The following UNC5D variants were observed in gnomAD, a reference collection of about 807,000 sequenced individuals.
The protein encoded by UNC5D is netrin receptor UNC5D.
UNC5D carries 39 observed loss-of-function variants against 105.4 expected under a neutral mutation model. The observed-to-expected ratio is 0.37, with a 90% CI of 0.29 to 0.48. The LOEUF is 0.48. Ranked by LOEUF, UNC5D falls within the 20% of genes least tolerant of loss-of-function variation. The pLI is 0.98. For missense variants in UNC5D, 991 were observed against 1,202.4 expected (o/e 0.82, Z 2.60); for synonymous variants, 452 against 450.4 (o/e 1.00, Z -0.04).
chr8:35,264,543 C>G (rs1465370450), intron 1 of UNC5D, among the ~76,000 whole-genome samples: 1 of 152,010 alleles, frequency 6.6e-6, no homozygotes, highest in Non-Finnish European at 1.5e-5. Flanking sequence ...ACCTGACCAA[C>G]AAGGTGAAAC....
chr8:35,486,791 T>C (rs1810851157), intron 1 of UNC5D, among the ~76,000 whole-genome samples: 1 of 152,200 alleles, frequency 6.6e-6, no homozygotes, highest in Non-Finnish European at 1.5e-5. Context: ...GGAAAAGTTA[T>C]TTGGAGTGGC....
At chr8:35,410,517 T>G (rs917161578) in intron 1 of UNC5D, among the ~76,000 whole-genome samples, 9 of 152,102 alleles carry the variant, frequency 5.9e-5, no homozygotes, top group African/African-American at 2.2e-4. Context: ...GTGAGATTTT[T>G]GGATCTTATT....
intron 3 of UNC5D, among the ~76,000 whole-genome samples, chr8:35,590,500 T>C (rs985798346): frequency 6.6e-6 from 1 of 152,204 alleles, no homozygotes; most frequent in African/African-American, 2.4e-5. Flanking sequence ...AATTTATGTG[T>C]CACTTTAATC....
rs1416544829 is a variant in UNC5D at position 35,795,527 on chromosome 8, A to C, written c.*4964A>C. ...GCAGAATATCATGCCTTATGACCCC[A>C]TTACTGAAACACAGACATTACAATC... is the stretch of plus-strand genomic sequence containing the variant. On this transcript the variant is annotated 3_prime_UTR_variant, in exon 17 of 17. Transcript: ENST00000404895. 1 of 152,160 alleles carries C rather than the reference A, an allele frequency of 6.6e-6. No individual in the cohort carries two copies. The highest frequency in any genetic ancestry group is 1.5e-5 in the Non-Finnish European group (1 of 68,028). The allele number at this position is 152,160 out of a possible 1,614,324, so 9.4% of individuals were successfully genotyped here.
chr8:35,727,500 C>G (rs962883080), intron 10 of UNC5D: 1 of 152,150 alleles, frequency 6.6e-6, no homozygotes, highest in African/African-American at 2.4e-5. Context: ...TAGTCTGATT[C>G]TACCATTCTA....
chr8:35,249,597 A>ATAATAATAC (rs1563249404), intron 1 of UNC5D, among the ~76,000 whole-genome samples: 1 of 140,748 alleles, frequency 7.1e-6, no homozygotes, highest in Non-Finnish European at 1.6e-5. Context: ...AATAATAATA[A>ATAATAATAC]TAATAAAATA....
chr8:35,536,883 C>A (rs911008176), intron 1 of UNC5D, among the ~76,000 whole-genome samples: 1 of 152,100 alleles, frequency 6.6e-6, no homozygotes, highest in Non-Finnish European at 1.5e-5. Flanking sequence ...GTAGTCCCAG[C>A]TACTCGGGAG....
intron 1 of UNC5D, among the ~76,000 whole-genome samples, chr8:35,472,604 CA>C (rs1031725774): frequency 1.3e-5 from 2 of 151,638 alleles, no homozygotes; most frequent in East Asian, 1.9e-4. Flanking sequence ...ATTCTGGGGG[CA>C]AAAAAATAAA....
intron 14 of UNC5D, among the ~76,000 whole-genome samples, chr8:35,763,177 A>AAGTC (rs1491104679): frequency 3.5e-5 from 5 of 143,374 alleles, no homozygotes; most frequent in Admixed American, 2.7e-4. Context: ...GCTGCTACTC[A>AAGTC]AGTCAACAAT....
intron 1 of UNC5D, among the ~76,000 whole-genome samples, chr8:35,513,428 C>G (rs1219004047): frequency 2.6e-5 from 4 of 151,820 alleles, no homozygotes; most frequent in Non-Finnish European, 1.5e-5. Context: ...AGGGTTTCAT[C>G]ATGTTGGTCA....
At chr8:35,368,764 C>T (rs1219201977) in intron 1 of UNC5D, among the ~76,000 whole-genome samples, 1 of 151,928 alleles carries the variant, frequency 6.6e-6, no homozygotes, top group African/African-American at 2.4e-5. Flanking sequence ...GTGGGTGGTA[C>T]CCTTATGATA....
rs2128836942 is a variant in UNC5D at position 35,271,971 on chromosome 8, T to G, written c.103+36084T>G. On this transcript the variant is annotated intron_variant, in intron 1 of 16. Coordinates refer to ENST00000404895, the MANE Select transcript of UNC5D (RefSeq NM_080872.4). The stretch of plus-strand genomic sequence containing the variant: ...TAAGAATATCATGGCAAACACAGTA[T>G]GGATGGGAGCTCTTTTTAGCTGCAC... Among the ~76,000 whole-genome samples, 2 of 151,980 alleles carry G rather than the reference T, an allele frequency of 1.3e-5. 1 individual carries two copies. Among genetic ancestry groups the G allele is most frequent in the South Asian group, 4.1e-4 (2 of 4,822 alleles).
intron 1 of UNC5D, among the ~76,000 whole-genome samples, chr8:35,476,104 T>C (rs1810078237): frequency 6.6e-6 from 1 of 152,220 alleles, no homozygotes; most frequent in African/African-American, 2.4e-5. Flanking sequence ...TTGTGCTATG[T>C]GCAAGCTGGA....
chr8:35,745,290 G>A (rs1403074314), intron 11 of UNC5D, among the ~76,000 whole-genome samples: 1 of 152,174 alleles, frequency 6.6e-6, no homozygotes, highest in African/African-American at 2.4e-5. Context: ...ACAAGGTGGG[G>A]TAAATCATGT....
intron 4 of UNC5D, among the ~76,000 whole-genome samples, chr8:35,631,350 T>C (rs894867606): frequency 1.3e-5 from 2 of 152,090 alleles, no homozygotes; most frequent in African/African-American, 4.8e-5. Flanking sequence ...ACTGCTTTGT[T>C]TTATAGAAGG....
intron 4 of UNC5D, among the ~76,000 whole-genome samples, chr8:35,607,435 T>C (rs1274322638): frequency 2.6e-5 from 4 of 152,206 alleles, no homozygotes; most frequent in Admixed American, 6.5e-5. Flanking sequence ...GAGAAACTGT[T>C]CCATGCTTCT....
intron 16 of UNC5D, among the ~76,000 whole-genome samples, chr8:35,783,108 A>C (rs1484013733): frequency 2.0e-5 from 3 of 151,786 alleles, no homozygotes; most frequent in Non-Finnish European, 4.4e-5. Context: ...GCACCACTGC[A>C]CTCCAGCCTG....
chr8:35,724,314 T>C (rs1278098184), intron 9 of UNC5D: 7 of 1,534,868 alleles, frequency 4.6e-6, no homozygotes, highest in East Asian at 2.4e-5. Context: ...TCTCCCTGCA[T>C]TTATTATGGT....
At position 35,633,584 on chromosome 8, in the gene UNC5D, C is replaced by CA. The variant is rs201261038; in HGVS notation, c.570+37937dup. 3.8e-3 allele frequency among the ~76,000 whole-genome samples: 567 copies of CA among 149,424 alleles called. 4 individuals carry two copies. Among genetic ancestry groups the CA allele is most frequent in the Non-Finnish European group, 6.7e-3 (452 of 67,348 alleles). On this transcript the variant is annotated intron_variant, in intron 4 of 16. Transcript: ENST00000404895. The stretch of plus-strand genomic sequence containing the variant: ...GCAACATAGTGAGACCTCATCTCTA[C>CA]AAAAAAAAAATTTTTTTTAAATTAG...
Sources: gnomAD v4.1 joint callset for allele counts (sites outside exome capture counted in the v4.1 genomes callset) on GRCh38, gnomAD v4.1.1 for gene constraint, MANE v1.5 for transcripts, NCBI Gene and HGNC (gene_info 2026-07-23, HGNC 2026-07-21) for gene names.